Variants in ANK2 observed in about 807,000 individuals in gnomAD.
The protein encoded by ANK2 is ankyrin 2.
Under a neutral mutation model 360.5 loss-of-function variants are expected in ANK2, and 83 were observed. The observed-to-expected ratio is 0.23, with a 90% CI of 0.19 to 0.28. The LOEUF (loss-of-function observed/expected upper bound fraction) is 0.28, where lower values mean the gene tolerates loss of function less well. Ranked by LOEUF, ANK2 falls within the 10% of genes least tolerant of loss-of-function variation. ANK2 has a pLI of 1.00. For synonymous variants in ANK2, 1,740 were observed against 1,759.5 expected, an observed-to-expected ratio of 0.99 and a Z score of 0.28; for missense variants, 4,201 against 4,795.7, an observed-to-expected ratio of 0.88 and a Z score of 3.66.
At chr4:112,755,383 T>C in the ANK2 span, among the ~76,000 whole-genome samples, 2 of 152,204 alleles carry the variant, frequency 1.3e-5, no homozygotes, top group African/African-American at 2.4e-5. Flanking sequence ...CAAACAGGCT[T>C]TGTGTGAGCA....
At chr4:113,288,546 C>A in intron 20 of ANK2, 60 bp downstream of exon 20, 1 of 1,385,746 alleles carries the variant, frequency 7.2e-7, no homozygotes, top group Non-Finnish European at 1.0e-6. Flanking sequence ...CATCTGGATG[C>A]TTCACTAGTT....
the ANK2 span, among the ~76,000 whole-genome samples, chr4:112,784,119 T>TA: frequency 4.6e-5 from 7 of 152,156 alleles, no homozygotes; most frequent in African/African-American, 9.6e-5. Flanking sequence ...TTTCTTGTGA[T>TA]AAGCAATGCT....
rs72900009 is a variant in ANK2, at chr4:113,260,261, T to C, written c.1386+1850T>C. The stretch of plus-strand genomic sequence containing the variant: ...ATATACTCCCTTCTATTAAAAAAGT[T>C]ATATGGGGTACATGTATATTTTCAA... On this transcript the variant is annotated intron_variant, in intron 13 of 45. Coordinates refer to ENST00000357077, the MANE Select transcript of ANK2 (RefSeq NM_001148.6). Among the ~76,000 whole-genome samples the C allele has an allele frequency of 9.2e-3, 1,408 of 152,290 alleles. 24 individuals are homozygous for C. The highest frequency in any genetic ancestry group is 0.032 in the African/African-American group (1,339 of 41,566).
chr4:113,004,814 AC>A (rs1420272427), intron 2 of ANK2, among the ~76,000 whole-genome samples: 4 of 152,218 alleles, frequency 2.6e-5, no homozygotes, highest in Non-Finnish European at 5.9e-5. Flanking sequence ...CTGTGCTGTG[AC>A]ATAATGGACA....
At chr4:113,335,825 G>A (rs1020910831) in intron 29 of ANK2, 21 bp from the exon 30 acceptor site, 1 of 1,602,844 alleles carries the variant, frequency 6.2e-7, no homozygotes, top group South Asian at 1.1e-5. Flanking sequence ...GTGAATGAAG[G>A]TGGGTCATTT....
the ANK2 span, among the ~76,000 whole-genome samples, chr4:112,772,087 G>A: frequency 1.3e-5 from 2 of 152,220 alleles, no homozygotes; most frequent in Middle Eastern, 3.4e-3. Context: ...TATTCAATGT[G>A]CCAAGGTGTC....
chr4:113,020,310 T>C (rs1213074420), intron 2 of ANK2, among the ~76,000 whole-genome samples: 1 of 152,088 alleles, frequency 6.6e-6, no homozygotes, highest in Non-Finnish European at 1.5e-5. Context: ...CCTCAGCCTT[T>C]CTAGTAGCTG....
chr4:113,196,489 ATT>A (rs760815331), intron 3 of ANK2, 23 bp downstream of exon 3: 2 of 1,586,940 alleles, frequency 1.3e-6, no homozygotes, highest in East Asian at 4.5e-5. Context: ...TTGGTAGAAC[ATT>A]TTTTTCCTTA....
At chr4:113,254,287 T>G (rs1325978591) in intron 10 of ANK2, among the ~76,000 whole-genome samples, 1 of 152,200 alleles carries the variant, frequency 6.6e-6, no homozygotes, top group South Asian at 2.1e-4. Flanking sequence ...GTAACCTCGA[T>G]AGAGACGGGG....
chr4:112,994,947 T>C (rs984227933), intron 2 of ANK2, among the ~76,000 whole-genome samples: 1 of 152,226 alleles, frequency 6.6e-6, no homozygotes, highest in Non-Finnish European at 1.5e-5. Context: ...ATTCCTTTTT[T>C]ATGGCTGCAT....
chr4:113,343,726 C>A (rs977642861), intron 34 of ANK2, among the ~76,000 whole-genome samples: 1 of 152,068 alleles, frequency 6.6e-6, no homozygotes, highest in Non-Finnish European at 1.5e-5. Context: ...ATTTTAGATT[C>A]CAATCTAAAA....
chr4:112,981,298 G>A (rs897965211), intron 2 of ANK2, among the ~76,000 whole-genome samples: 1 of 152,338 alleles, frequency 6.6e-6, no homozygotes, highest in Non-Finnish European at 1.5e-5. Context: ...GAATTGGTAG[G>A]CAATGGCAAG....
At chr4:112,875,903 G>A (rs989909809) in intron 1 of ANK2, among the ~76,000 whole-genome samples, 1 of 150,882 alleles carries the variant, frequency 6.6e-6, no homozygotes, top group African/African-American at 2.4e-5. Context: ...CACCCTCCCT[G>A]GCTAATTTTT....
chr4:113,311,176 A>G, intron 23 of ANK2, 79 bp from the exon 24 acceptor site: 2 of 1,579,030 alleles, frequency 1.3e-6, no homozygotes, highest in Admixed American at 3.3e-5. Flanking sequence ...ATGTTGATGC[A>G]TTTCACAATC....
At chr4:113,097,224 A>G (rs138382329) in intron 1 of ANK2, among the ~76,000 whole-genome samples, 676 of 151,490 alleles carry the variant, frequency 4.5e-3, no homozygotes, top group Admixed American at 7.2e-3. Flanking sequence ...CTTTCATGAC[A>G]AGTATTCACT....
At chr4:113,083,978 G>T (rs1269535877) in intron 1 of ANK2, among the ~76,000 whole-genome samples, 1 of 152,166 alleles carries the variant, frequency 6.6e-6, no homozygotes, top group Non-Finnish European at 1.5e-5. Flanking sequence ...AATCGTTGTG[G>T]GGTGAGGGGG....
At chr4:112,919,024 A>G (rs2090741196) in intron 2 of ANK2, among the ~76,000 whole-genome samples, 1 of 152,188 alleles carries the variant, frequency 6.6e-6, no homozygotes, top group African/African-American at 2.4e-5. Context: ...TTTAGTTAAT[A>G]AAGAGTTATT....
intron 31 of ANK2, 131 bp downstream of exon 31, chr4:113,336,912 T>A: frequency 1.1e-6 from 1 of 884,144 alleles, no homozygotes; most frequent in Non-Finnish European, 1.8e-6. Flanking sequence ...ACATTTTAAT[T>A]AACTAGGGAA....
intron 1 of ANK2, chr4:113,151,047 G>A (rs1326534027): frequency 5.5e-6 from 7 of 1,275,576 alleles, no homozygotes; most frequent in South Asian, 1.3e-5. Context: ...ACCCAAAGTA[G>A]CAAATCTATT....
Sources: gnomAD v4.1 joint callset for allele counts (sites outside exome capture counted in the v4.1 genomes callset) on GRCh38, gnomAD v4.1.1 for gene constraint, MANE v1.5 for transcripts, NCBI Gene and HGNC (gene_info 2026-07-23, HGNC 2026-07-21) for gene names.